The following GRIK1 variants were observed in gnomAD, a reference collection of about 807,000 sequenced individuals.
GRIK1 encodes glutamate ionotropic receptor kainate type subunit 1, also known as glutamate receptor ionotropic, kainate 1.
GRIK1 carries 69 observed loss-of-function variants against 105.7 expected under a neutral mutation model. The observed-to-expected ratio is 0.65, with a 90% CI of 0.54 to 0.80. GRIK1 has a LOEUF of 0.80. GRIK1 is among the 30% of genes least tolerant of loss of function. GRIK1 has a pLI of 0.00. For synonymous variants in GRIK1, 438 were observed against 431.3 expected, an observed-to-expected ratio of 1.02 and a Z score of -0.19; for missense variants, 1,109 against 1,167.3, an observed-to-expected ratio of 0.95 and a Z score of 0.73.
At chr21:29,839,696 C>T (rs1352254821) in intron 1 of GRIK1, among the ~76,000 whole-genome samples, 1 of 151,994 alleles carries the variant, frequency 6.6e-6, no homozygotes. Flanking sequence ...TTGTTCAGAC[C>T]ATATCTGGAG....
chr21:29,791,811 T>G (rs73897834), intron 1 of GRIK1, among the ~76,000 whole-genome samples: 2,670 of 152,278 alleles, frequency 0.018, 72 homozygotes, highest in African/African-American at 0.056. Context: ...TTGCATATAT[T>G]TGTTGAAATA....
chr21:29,816,979 A>T (rs1019754221), intron 1 of GRIK1, among the ~76,000 whole-genome samples: 2 of 152,176 alleles, frequency 1.3e-5, no homozygotes, highest in African/African-American at 4.8e-5. Flanking sequence ...GATGTGATAG[A>T]TATTCTAAAT....
intron 1 of GRIK1, among the ~76,000 whole-genome samples, chr21:29,834,099 G>A (rs1184151501): frequency 6.6e-6 from 1 of 151,972 alleles, no homozygotes; most frequent in East Asian, 1.9e-4. Context: ...GAAGAAAGAA[G>A]TGAATGAATT....
At chr21:29,767,036 G>A (rs1222691137) in intron 1 of GRIK1, among the ~76,000 whole-genome samples, 1 of 152,142 alleles carries the variant, frequency 6.6e-6, no homozygotes, top group Non-Finnish European at 1.5e-5. Context: ...TCCTGAGTCT[G>A]CCTAAGTGTA....
chr21:29,583,072 G>A (rs2091056465), intron 12 of GRIK1, among the ~76,000 whole-genome samples: 1 of 152,162 alleles, frequency 6.6e-6, no homozygotes, highest in African/African-American at 2.4e-5. Flanking sequence ...TTGAGTCTTA[G>A]GGGGACTGGG....
intron 1 of GRIK1, among the ~76,000 whole-genome samples, chr21:29,788,749 G>A (rs1443287645): frequency 2.0e-5 from 3 of 152,164 alleles, no homozygotes; most frequent in African/African-American, 4.8e-5. Context: ...GAGGGTGATG[G>A]GAGACAGTGA....
intron 3 of GRIK1, among the ~76,000 whole-genome samples, chr21:29,674,062 G>A (rs959041414): frequency 1.9e-4 from 27 of 143,468 alleles, no homozygotes; most frequent in African/African-American, 6.8e-4. Context: ...GAAAAATTGA[G>A]TTTTTTTTTT....
intron 1 of GRIK1, among the ~76,000 whole-genome samples, chr21:29,897,929 T>C (rs1272975459): frequency 6.6e-6 from 1 of 152,204 alleles, no homozygotes; most frequent in Non-Finnish European, 1.5e-5. Context: ...ACTTGAACAA[T>C]TGTGTAAAGC....
At chr21:29,798,996 T>A (rs961438501) in intron 1 of GRIK1, among the ~76,000 whole-genome samples, 5 of 152,100 alleles carry the variant, frequency 3.3e-5, no homozygotes, top group Admixed American at 3.3e-4. Flanking sequence ...AACAAAAGAT[T>A]ACCTCCAGAT....
chr21:29,634,469 G>A (rs1339978083), intron 7 of GRIK1, among the ~76,000 whole-genome samples: 1 of 152,178 alleles, frequency 6.6e-6, no homozygotes, highest in Non-Finnish European at 1.5e-5. Context: ...TTAAAATTGA[G>A]TATTAGTTTA....
intron 1 of GRIK1, among the ~76,000 whole-genome samples, chr21:29,887,226 A>G (rs981780080): frequency 6.6e-6 from 1 of 152,198 alleles, no homozygotes; most frequent in Non-Finnish European, 1.5e-5. Flanking sequence ...TACACTGCAC[A>G]TTTTTGTTGC....
intron 3 of GRIK1, among the ~76,000 whole-genome samples, chr21:29,683,546 T>C (rs1444854756): frequency 2.0e-5 from 3 of 152,190 alleles, no homozygotes; most frequent in African/African-American, 7.2e-5. Flanking sequence ...ATACCCATGA[T>C]CTTACTTATA....
intron 1 of GRIK1, among the ~76,000 whole-genome samples, chr21:29,920,123 C>G (rs965313903): frequency 6.6e-6 from 1 of 151,410 alleles, no homozygotes; most frequent in East Asian, 1.9e-4. Context: ...CTTCTTTGCT[C>G]ACAGTCTCTC....
chr21:29,732,283 C>A (rs2064651096), intron 1 of GRIK1, among the ~76,000 whole-genome samples: 1 of 152,130 alleles, frequency 6.6e-6, no homozygotes, highest in Non-Finnish European at 1.5e-5. Flanking sequence ...CAAAACCCAT[C>A]AGCACCTTCA....
chr21:29,590,931 C>T (rs142007614), intron 10 of GRIK1, among the ~76,000 whole-genome samples, 181 bp downstream of exon 10: 44 of 152,292 alleles, frequency 2.9e-4, no homozygotes, highest in African/African-American at 6.0e-4. Context: ...TTCAGAACAA[C>T]GTTGGAAGCG....
intron 1 of GRIK1, among the ~76,000 whole-genome samples, chr21:29,790,802 C>T (rs1433500521): frequency 6.6e-6 from 1 of 152,086 alleles, no homozygotes; most frequent in Non-Finnish European, 1.5e-5. Flanking sequence ...TGGTTGGTGC[C>T]CCTTTTCTAA....
intron 1 of GRIK1, among the ~76,000 whole-genome samples, chr21:29,772,587 T>TC (rs1240485976): frequency 3.9e-5 from 6 of 152,018 alleles, no homozygotes; most frequent in Non-Finnish European, 5.9e-5. Context: ...CTATTTGTCA[T>TC]CCCCCCCACC....
At chr21:29,768,904 A>G (rs1025442180) in intron 1 of GRIK1, among the ~76,000 whole-genome samples, 19 of 152,364 alleles carry the variant, frequency 1.2e-4, no homozygotes, top group Admixed American at 3.3e-4. Flanking sequence ...GTTTCTAATG[A>G]TAGTGAATAC....
chr21:29,734,368 T>TTTCTA (rs1201498588), intron 1 of GRIK1, among the ~76,000 whole-genome samples: 5 of 31,008 alleles, frequency 1.6e-4, no homozygotes, highest in Non-Finnish European at 4.4e-4. Context: ...TTTCTTTTCT[T>TTTCTA]TTCTTTTCTT....
Sources: gnomAD v4.1 joint callset for allele counts (sites outside exome capture counted in the v4.1 genomes callset) on GRCh38, gnomAD v4.1.1 for gene constraint, MANE v1.5 for transcripts, NCBI Gene and HGNC (gene_info 2026-07-23, HGNC 2026-07-21) for gene names.